SMYD4: variants seen among roughly 807,000 people sequenced by gnomAD.
SMYD4 encodes SET and MYND domain containing 4.
In SMYD4, 68 loss-of-function variants were observed where a neutral mutation model predicts 72.8. The observed-to-expected ratio is 0.93, with a 90% CI of 0.77 to 1.14. The LOEUF (loss-of-function observed/expected upper bound fraction) is 1.14, where lower values mean the gene tolerates loss of function less well. Among genes scored for constraint, SMYD4 ranks in the 50% most tolerant of loss-of-function variants. The pLI, the probability that SMYD4 is intolerant of heterozygous loss-of-function variation, is 0.00. For missense variants in SMYD4, 984 were observed against 1,003.7 expected, an observed-to-expected ratio of 0.98 and a Z score of 0.27; for synonymous variants, 407 against 388.6, an observed-to-expected ratio of 1.05 and a Z score of -0.56.
At position 1,800,649 on chromosome 17, in the gene SMYD4, C is replaced by A. The variant is rs1909680675; in HGVS notation, c.745G>T (p.Ala249Ser). ...VDPLKGRCLV[A>S]TKDILPGELL... Reference sequence around the variant, plus strand: ...TCTCCTGGGAGAATATCTTTTGTGGCAACGAGACAGCGACCTTTTAAAGGA... The same window carrying A: ...TCTCCTGGGAGAATATCTTTTGTGGAAACGAGACAGCGACCTTTTAAAGGA... The change falls in exon 5 of 11, where the codon GCC becomes TCC. Residue 249 changes from alanine to serine, a missense_variant. Physicochemically the swap from Ala to Ser is moderately conservative, Grantham distance 99. Transcript: ENST00000305513. 1 of 1,613,980 alleles carries A rather than the reference C, an allele frequency of 6.2e-7. No homozygotes were observed. Among genetic ancestry groups the A allele is most frequent in the Non-Finnish European group, 8.5e-7 (1 of 1,180,034 alleles).
At chr17:1,823,689 GC>G (rs1469781575) in intron 2 of SMYD4, among the ~76,000 whole-genome samples, 2 of 152,116 alleles carry the variant, frequency 1.3e-5, no homozygotes, top group Non-Finnish European at 2.9e-5. Flanking sequence ...CACAGGCCTG[GC>G]CAATCAGAGG....
intron 4 of SMYD4, among the ~76,000 whole-genome samples, chr17:1,801,819 A>G (rs1909777366): frequency 6.6e-6 from 1 of 151,594 alleles, no homozygotes; most frequent in Non-Finnish European, 1.5e-5. Flanking sequence ...TACTAAAAAC[A>G]CAAAAAATTA....
intron 5 of SMYD4, among the ~76,000 whole-genome samples, chr17:1,798,200 GGCT>G (rs1909509088): frequency 6.6e-6 from 1 of 150,652 alleles, no homozygotes; most frequent in African/African-American, 2.4e-5. Flanking sequence ...GTGCGATCAT[GGCT>G]CACTGCAACC....
At chr17:1,825,118 G>A (rs1324279782) in intron 2 of SMYD4, among the ~76,000 whole-genome samples, 1 of 152,084 alleles carries the variant, frequency 6.6e-6, no homozygotes, top group East Asian at 1.9e-4. Flanking sequence ...TTTCTTGATA[G>A]CAACGTGAGA....
chr17:1,788,173 T>G (rs1365105301), intron 5 of SMYD4, among the ~76,000 whole-genome samples: 1 of 151,764 alleles, frequency 6.6e-6, no homozygotes, highest in Non-Finnish European at 1.5e-5. Context: ...CACAGCTAGA[T>G]TTGGTCTCTA....
chr17:1,789,585 G>GA (rs2033612454), intron 5 of SMYD4, among the ~76,000 whole-genome samples: 4 of 152,002 alleles, frequency 2.6e-5, no homozygotes, highest in Admixed American at 1.3e-4. Flanking sequence ...CCAACATGGT[G>GA]AACCCTCGTC....
At chr17:1,788,999 A>G (rs1006995999) in intron 5 of SMYD4, among the ~76,000 whole-genome samples, 2 of 152,222 alleles carry the variant, frequency 1.3e-5, no homozygotes, top group African/African-American at 2.4e-5. Flanking sequence ...AAAAAATACC[A>G]GTATTTAAAA....
At chr17:1,784,559 T>C (rs758710703) in intron 7 of SMYD4, 98 bp from the exon 8 acceptor site, 4 of 1,537,218 alleles carry the variant, frequency 2.6e-6, no homozygotes, top group Non-Finnish European at 3.5e-6. Context: ...TCTTACCTCA[T>C]GGGGGAAAGA....
chr17:1,788,479 C>G (rs764128344), intron 5 of SMYD4, among the ~76,000 whole-genome samples: 10 of 152,154 alleles, frequency 6.6e-5, no homozygotes, highest in Non-Finnish European at 1.3e-4. Context: ...GGCGCGGTGG[C>G]TCACGCCTGT....
At chr17:1,812,620 C>G (rs1008613353) in intron 2 of SMYD4, among the ~76,000 whole-genome samples, 1 of 140,184 alleles carries the variant, frequency 7.1e-6, no homozygotes, top group Non-Finnish European at 1.5e-5. Flanking sequence ...ATGATCTCGG[C>G]TCGCTGCAAC....
intron 5 of SMYD4, among the ~76,000 whole-genome samples, chr17:1,799,120 G>T (rs918934832): frequency 6.6e-6 from 1 of 150,996 alleles, no homozygotes; most frequent in African/African-American, 2.4e-5. Flanking sequence ...TTAGCCGGGC[G>T]TGGTGGCGGG....
At chr17:1,783,900 C>A in intron 8 of SMYD4, 1 of 289,958 alleles carries the variant, frequency 3.4e-6, no homozygotes, top group Non-Finnish European at 6.5e-6. Flanking sequence ...AAGCAAGACA[C>A]TCCTATCAGC....
chr17:1,824,343 A>T (rs1911047994), intron 2 of SMYD4, among the ~76,000 whole-genome samples: 1 of 152,200 alleles, frequency 6.6e-6, no homozygotes, highest in African/African-American at 2.4e-5. Flanking sequence ...GCTCAGTCTC[A>T]AAAGAAAAAT....
At chr17:1,789,764 C>CCAAAAAAAACAAA (rs71150816) in intron 5 of SMYD4, among the ~76,000 whole-genome samples, 1 of 90,098 alleles carries the variant, frequency 1.1e-5, no homozygotes, top group Non-Finnish European at 2.4e-5. Context: ...GACTCTGTCT[C>CCAAAAAAAACAAA]AAAAAAAAAA....
At chr17:1,808,306 G>A (rs902457493) in intron 3 of SMYD4, among the ~76,000 whole-genome samples, 5 of 152,086 alleles carry the variant, frequency 3.3e-5, no homozygotes, top group Admixed American at 6.6e-5. Flanking sequence ...ATGTTCCAGT[G>A]GAAAATTTAA....
chr17:1,797,750 C>T (rs1037026485), intron 5 of SMYD4, among the ~76,000 whole-genome samples: 1 of 152,112 alleles, frequency 6.6e-6, no homozygotes, highest in African/African-American at 2.4e-5. Flanking sequence ...GCCTGTAATC[C>T]CAGCACTTTG....
rs186918906 is a variant in SMYD4 at position 1,822,695 on chromosome 17, C to A, written c.134+5166G>T. ...GCCCAGGCTGGTCTTGAACTCCTGA[C>A]CTCAGGTGATCCACCCGCCTTGGGC... On this transcript the variant is annotated intron_variant, in intron 2 of 10. Coordinates refer to ENST00000305513, the MANE Select transcript of SMYD4 (RefSeq NM_052928.3). Among the ~76,000 whole-genome samples, 92 of 152,144 alleles carry A rather than the reference C, an allele frequency of 6.0e-4. 2 individuals carry two copies. The East Asian group carries it at 0.016, about 26-fold the overall frequency.
At chr17:1,805,868 A>G (rs1054123588) in intron 3 of SMYD4, among the ~76,000 whole-genome samples, 1 of 150,776 alleles carries the variant, frequency 6.6e-6, no homozygotes, top group Non-Finnish European at 1.5e-5. Flanking sequence ...AAGTAGGTAG[A>G]CAATGAGCAA....
chr17:1,787,180 A>G (rs946924015), intron 6 of SMYD4, among the ~76,000 whole-genome samples: 1 of 152,218 alleles, frequency 6.6e-6, no homozygotes, highest in Non-Finnish European at 1.5e-5. Flanking sequence ...TTCCTAGCCC[A>G]TTTTCAGAAT....
Sources: allele counts gnomAD v4.1 joint callset (sites outside exome capture counted in the v4.1 genomes callset), GRCh38; gene constraint gnomAD v4.1.1; transcripts MANE v1.5; gene names NCBI Gene and HGNC (gene_info 2026-07-23, HGNC 2026-07-21).